The following GABRA2 variants were observed in gnomAD, a reference collection of about 807,000 sequenced individuals.
GABRA2 encodes the protein gamma-aminobutyric acid type A receptor subunit alpha2, also known as gamma-aminobutyric acid receptor subunit alpha-2.
Under a neutral mutation model 48.7 loss-of-function variants are expected in GABRA2, and 16 were observed. The ratio of observed to expected loss-of-function variants is 0.33; its 90% CI spans 0.22 to 0.50. The LOEUF (loss-of-function observed/expected upper bound fraction) is 0.50, where lower values mean the gene tolerates loss of function less well. Ranked by LOEUF, GABRA2 falls within the 20% of genes least tolerant of loss-of-function variation. GABRA2 has a pLI of 0.98. For synonymous variants in GABRA2, 185 were observed against 184.5 expected, an observed-to-expected ratio of 1.00 and a Z score of -0.02; for missense variants, 275 against 535.6, an observed-to-expected ratio of 0.51 and a Z score of 4.80.
intron 8 of GABRA2, among the ~76,000 whole-genome samples, chr4:46,263,264 A>T (rs1022138694): frequency 6.6e-6 from 1 of 152,100 alleles, no homozygotes; most frequent in Non-Finnish European, 1.5e-5. Context: ...TGAGGAAGAT[A>T]TGGGGCATTA....
chr4:46,261,665 TGA>T, intron 9 of GABRA2: 1 of 560,588 alleles, frequency 1.8e-6, no homozygotes, highest in Non-Finnish European at 3.2e-6. Flanking sequence ...AAAGATTATG[TGA>T]GAGAGCATAT....
chr4:46,321,554 A>T (rs2109752494), intron 4 of GABRA2, among the ~76,000 whole-genome samples: 1 of 152,186 alleles, frequency 6.6e-6, no homozygotes, highest in South Asian at 2.1e-4. Flanking sequence ...ATTAAGTAAT[A>T]AGAAATAGAT....
At chr4:46,310,366 G>A (rs1056698836) in intron 5 of GABRA2, 111 bp from the exon 6 acceptor site, 14 of 620,170 alleles carry the variant, frequency 2.3e-5, no homozygotes, top group Admixed American at 1.5e-4. Flanking sequence ...CACAGCAGTA[G>A]GCTCATTCAT....
intron 8 of GABRA2, among the ~76,000 whole-genome samples, chr4:46,286,325 T>C (rs1257708948): frequency 1.3e-5 from 2 of 152,124 alleles, no homozygotes; most frequent in Non-Finnish European, 2.9e-5. Flanking sequence ...TGTAAGTATA[T>C]ACTATATTTT....
At chr4:46,338,741 T>C (rs749615323) in intron 3 of GABRA2, among the ~76,000 whole-genome samples, 2 of 151,880 alleles carry the variant, frequency 1.3e-5, no homozygotes, top group Admixed American at 6.6e-5. Flanking sequence ...TTCCTATCCA[T>C]AGATGTTTTT....
At chr4:46,299,213 T>C (rs1000284495) in intron 8 of GABRA2, among the ~76,000 whole-genome samples, 6 of 151,806 alleles carry the variant, frequency 4.0e-5, no homozygotes. Context: ...TTAAATTTGG[T>C]TTGGCAGACA....
chr4:46,322,790 A>G (rs1408465938), intron 4 of GABRA2, among the ~76,000 whole-genome samples: 1 of 151,974 alleles, frequency 6.6e-6, no homozygotes, highest in Non-Finnish European at 1.5e-5. Context: ...TTCTGATGAG[A>G]CATAAGAAGA....
intron 8 of GABRA2, among the ~76,000 whole-genome samples, chr4:46,277,438 C>CCAA (rs1720710735): frequency 6.6e-6 from 1 of 152,174 alleles, no homozygotes; most frequent in South Asian, 2.1e-4. Flanking sequence ...GAATGAGTTT[C>CCAA]TGCCCTGTAC....
At chr4:46,382,870 TA>T (rs1716949630) in intron 3 of GABRA2, among the ~76,000 whole-genome samples, 2 of 152,148 alleles carry the variant, frequency 1.3e-5, no homozygotes. Flanking sequence ...ATCATAGTTA[TA>T]AAGGAAAGAA....
At chr4:46,385,063 C>T (rs1368322117) in intron 3 of GABRA2, among the ~76,000 whole-genome samples, 1 of 139,448 alleles carries the variant, frequency 7.2e-6, no homozygotes, top group Non-Finnish European at 1.5e-5. Flanking sequence ...CAACCCAAAC[C>T]ATACAATTGC....
chr4:46,284,865 A>G (rs1722236410), intron 8 of GABRA2, among the ~76,000 whole-genome samples: 1 of 152,006 alleles, frequency 6.6e-6, no homozygotes, highest in East Asian at 1.9e-4. Context: ...TGGATTACCC[A>G]CAACGTAAAG....
chr4:46,386,953 G>A (rs1717544015), intron 2 of GABRA2: 1 of 152,202 alleles, frequency 6.6e-6, no homozygotes, highest in African/African-American at 2.4e-5. Flanking sequence ...AGAACAAATG[G>A]TCTTAAAATA....
At chr4:46,307,798 T>C (rs529870955) in intron 6 of GABRA2, among the ~76,000 whole-genome samples, 1 of 152,328 alleles carries the variant, frequency 6.6e-6, no homozygotes, top group East Asian at 1.9e-4. Flanking sequence ...CTGCACTTCA[T>C]TATTTAGATA....
intron 9 of GABRA2, among the ~76,000 whole-genome samples, chr4:46,260,068 G>T (rs1716646464): frequency 6.6e-6 from 1 of 151,654 alleles, no homozygotes; most frequent in East Asian, 1.9e-4. Context: ...AGGCAAAGAA[G>T]TCCTCCCACT....
At chr4:46,388,892 C>T in intron 1 of GABRA2, 176 bp from the exon 2 acceptor site, 1 of 1,338,046 alleles carries the variant, frequency 7.5e-7, no homozygotes, top group Non-Finnish European at 9.6e-7. Flanking sequence ...TTTTTATGGA[C>T]CCCCACCCCC....
intron 3 of GABRA2, among the ~76,000 whole-genome samples, chr4:46,385,667 A>G (rs1717350476): frequency 6.6e-6 from 1 of 152,030 alleles, no homozygotes; most frequent in African/African-American, 2.4e-5. Context: ...ATATTCTTAA[A>G]TTTTTTATGT....
intron 8 of GABRA2, among the ~76,000 whole-genome samples, chr4:46,297,330 C>T (rs1262872226): frequency 6.6e-6 from 1 of 151,512 alleles, no homozygotes; most frequent in Non-Finnish European, 1.5e-5. Flanking sequence ...CATCTTTCTC[C>T]TGTGCTGGAT....
intron 3 of GABRA2, among the ~76,000 whole-genome samples, chr4:46,371,690 A>G (rs1394984029): frequency 6.6e-6 from 1 of 152,166 alleles, no homozygotes; most frequent in Non-Finnish European, 1.5e-5. Flanking sequence ...CACCTAAATT[A>G]ATGGTCAGTC....
chr4:46,322,167 C>A (rs1295309145), intron 4 of GABRA2, among the ~76,000 whole-genome samples: 1 of 150,982 alleles, frequency 6.6e-6, no homozygotes, highest in Non-Finnish European at 1.5e-5. Context: ...CACAGTATAT[C>A]CCTTACCTGT....
Sources: gnomAD v4.1 joint callset for allele counts (sites outside exome capture counted in the v4.1 genomes callset) on GRCh38, gnomAD v4.1.1 for gene constraint, MANE v1.5 for transcripts, NCBI Gene and HGNC (gene_info 2026-07-23, HGNC 2026-07-21) for gene names.